CSNK2A2IP: variants seen among roughly 807,000 people sequenced by gnomAD.
CSNK2A2IP encodes casein kinase II subunit alpha'-interacting protein.
chr3:88,406,389 C>A, the CSNK2A2IP span, among the ~76,000 whole-genome samples: 13 of 152,126 alleles, frequency 8.5e-5, no homozygotes, highest in African/African-American at 3.1e-4. Flanking sequence ...CTACGGGAAG[C>A]GCAGTTGCTT....
the CSNK2A2IP span, among the ~76,000 whole-genome samples, chr3:88,422,655 A>G: frequency 6.6e-6 from 1 of 152,300 alleles, no homozygotes; most frequent in African/African-American, 2.4e-5. Flanking sequence ...TTCATTGTCA[A>G]TTTGAAAATT....
At chr3:88,349,811 T>C in the CSNK2A2IP span, among the ~76,000 whole-genome samples, 58 of 152,242 alleles carry the variant, frequency 3.8e-4, no homozygotes, top group African/African-American at 1.3e-3. Flanking sequence ...TTTGTGTGTG[T>C]GTGTTTTAAA....
chr3:88,448,696 C>T, the CSNK2A2IP span, among the ~76,000 whole-genome samples: 1 of 152,198 alleles, frequency 6.6e-6, no homozygotes, highest in African/African-American at 2.4e-5. Flanking sequence ...CCAGCTTTTG[C>T]CACTTGGAGG....
the CSNK2A2IP span, among the ~76,000 whole-genome samples, chr3:88,358,105 A>G: frequency 1.3e-5 from 2 of 152,082 alleles, no homozygotes; most frequent in African/African-American, 4.8e-5. Context: ...GCTATTGTAA[A>G]TGGGATTACT....
chr3:88,357,911 G>A, the CSNK2A2IP span, among the ~76,000 whole-genome samples: 4 of 151,962 alleles, frequency 2.6e-5, no homozygotes, highest in Middle Eastern at 3.4e-3. Context: ...ATTTTTGGTA[G>A]AGATGGGGTT....
chr3:88,339,433 C>A, the CSNK2A2IP span, among the ~76,000 whole-genome samples: 1 of 152,008 alleles, frequency 6.6e-6, no homozygotes, highest in Non-Finnish European at 1.5e-5. Context: ...TTTTCTTGAT[C>A]TATTTGTCCA....
At chr3:88,441,591 C>CTTATGCAT in the CSNK2A2IP span, among the ~76,000 whole-genome samples, 1 of 152,016 alleles carries the variant, frequency 6.6e-6, no homozygotes, top group African/African-American at 2.4e-5. Context: ...ATTGAACATT[C>CTTATGCAT]TTATGCATTT....
the CSNK2A2IP span, among the ~76,000 whole-genome samples, chr3:88,400,607 T>C: frequency 6.6e-6 from 1 of 152,128 alleles, no homozygotes; most frequent in South Asian, 2.1e-4. Flanking sequence ...CAGGGAGATA[T>C]GACTACGGAA....
the CSNK2A2IP span, among the ~76,000 whole-genome samples, chr3:88,402,370 T>G: frequency 3.3e-5 from 5 of 152,074 alleles, no homozygotes; most frequent in African/African-American, 1.2e-4. Context: ...CAATATCTAC[T>G]TAAATTGACC....
the CSNK2A2IP span, among the ~76,000 whole-genome samples, chr3:88,439,073 C>G: frequency 6.9e-3 from 1,046 of 152,258 alleles, 4 homozygotes; most frequent in Non-Finnish European, 0.012. Flanking sequence ...AAAGTCCTCT[C>G]CGAGATATGA....
At chr3:88,421,636 C>T in the CSNK2A2IP span, among the ~76,000 whole-genome samples, 24 of 152,056 alleles carry the variant, frequency 1.6e-4, no homozygotes, top group Non-Finnish European at 3.2e-4. Context: ...AGTCTGGTCT[C>T]GAACTCCTAA....
the CSNK2A2IP span, among the ~76,000 whole-genome samples, chr3:88,368,787 C>G: frequency 6.6e-6 from 1 of 152,004 alleles, no homozygotes; most frequent in African/African-American, 2.4e-5. Flanking sequence ...GGGCAGTTCA[C>G]TTTGTGATTT....
At chr3:88,375,523 T>C in the CSNK2A2IP span, among the ~76,000 whole-genome samples, 15,775 of 151,706 alleles carry the variant, frequency 0.1, 1,278 homozygotes, top group Admixed American at 0.27. Context: ...GTCAGTGATC[T>C]AGTCACAGCT....
At chr3:88,361,673 G>A in the CSNK2A2IP span, among the ~76,000 whole-genome samples, 1 of 152,050 alleles carries the variant, frequency 6.6e-6, no homozygotes, top group Admixed American at 6.6e-5. Flanking sequence ...TCTAGGTTTG[G>A]AAAGTTCTTT....
the CSNK2A2IP span, among the ~76,000 whole-genome samples, chr3:88,407,642 T>G: frequency 6.6e-6 from 1 of 152,184 alleles, no homozygotes; most frequent in Non-Finnish European, 1.5e-5. Flanking sequence ...AGAGCTTCTT[T>G]CACAAGCAAA....
chr3:88,359,311 C>A, the CSNK2A2IP span, among the ~76,000 whole-genome samples: 2 of 150,460 alleles, frequency 1.3e-5, no homozygotes, highest in East Asian at 1.9e-4. Context: ...TTTTGTTTAT[C>A]TTTTCAAAAA....
At chr3:88,409,338 G>C in the CSNK2A2IP span, among the ~76,000 whole-genome samples, 1 of 151,916 alleles carries the variant, frequency 6.6e-6, no homozygotes, top group Non-Finnish European at 1.5e-5. Context: ...CACATTTTCT[G>C]AGAAAATGGA....
the CSNK2A2IP span, chr3:88,467,219 C>G: frequency 5.0e-6 from 2 of 398,110 alleles, no homozygotes; most frequent in Non-Finnish European, 8.8e-6. Flanking sequence ...TCCTCCTCCT[C>G]CACCACCTCC....
At chr3:88,380,759 A>G in the CSNK2A2IP span, among the ~76,000 whole-genome samples, 2 of 152,188 alleles carry the variant, frequency 1.3e-5, no homozygotes, top group Non-Finnish European at 2.9e-5. Flanking sequence ...AAACAGAAAA[A>G]AAAATAAGTG....
Sources: gnomAD v4.1 joint callset for allele counts (sites outside exome capture counted in the v4.1 genomes callset) on GRCh38, gnomAD v4.1.1 for gene constraint, MANE v1.5 for transcripts, NCBI Gene and HGNC (gene_info 2026-07-23, HGNC 2026-07-21) for gene names.